DEPDC5: variants seen among roughly 807,000 people sequenced by gnomAD.
DEPDC5 encodes the protein DEP domain containing 5, GATOR1 subcomplex subunit.
DEPDC5 carries 73 observed loss-of-function variants against 217.3 expected under a neutral mutation model. The ratio of observed to expected loss-of-function variants is 0.34; its 90% CI spans 0.28 to 0.41. DEPDC5 has a LOEUF of 0.41. DEPDC5 is among the 10% of genes least tolerant of loss of function. The probability of loss-of-function intolerance (pLI) is 1.00; values close to 1 mark genes in which losing one functional copy is unlikely to be tolerated. For synonymous variants in DEPDC5, 733 were observed against 756.7 expected, an observed-to-expected ratio of 0.97 and a Z score of 0.51; for missense variants, 1,675 against 2,070.1, an observed-to-expected ratio of 0.81 and a Z score of 3.70.
chr22:31,815,764 C>A, intron 21 of DEPDC5: 1 of 1,190,110 alleles, frequency 8.4e-7, no homozygotes, highest in South Asian at 2.8e-5. Context: ...CTCCTGGACT[C>A]GAGGGATCCA....
rs1602515781 is a variant in DEPDC5, at chr22:31,862,477, A to G, written c.3330+1044A>G. ...CTACTCAGGAGGCTGAGGCAGGAGA[A>G]TCGCTTGAACCCAGGAGGCAGAGGT... On this transcript the variant is annotated intron_variant, in intron 33 of 42. Transcript: ENST00000651528. Among the ~76,000 whole-genome samples, 3 of 152,230 alleles carry G rather than the reference A, an allele frequency of 2.0e-5. No individual in the cohort carries two copies. In the South Asian group the frequency reaches 6.2e-4, roughly 32 times the overall value.
intron 24 of DEPDC5, among the ~76,000 whole-genome samples, chr22:31,832,079 A>G (rs2090641500): frequency 6.6e-6 from 1 of 152,250 alleles, no homozygotes; most frequent in Non-Finnish European, 1.5e-5. Context: ...TGAGAGATTC[A>G]TCCACGTTGC....
Position 31,819,287 on chromosome 22 carries a change from C to T in DEPDC5, c.1870+62C>T, listed in dbSNP as rs766476487. The T allele has an allele frequency of 2.4e-4, 379 of 1,574,204 alleles. 1 individual carries two copies. Among genetic ancestry groups the T allele is most frequent in the Non-Finnish European group, 3.1e-4 (361 of 1,149,736 alleles). ...AGCTCCTAGCCCTGGTCCTCAGTGT[C>T]GGTCACCCATGTGTCCTTGGTCAGG... On this transcript the variant is annotated intron_variant, in intron 22 of 42. Transcript: ENST00000651528.
At chr22:31,885,519 A>G (rs1344749059) in intron 38 of DEPDC5, among the ~76,000 whole-genome samples, 1 of 141,348 alleles carries the variant, frequency 7.1e-6, no homozygotes, top group African/African-American at 2.7e-5. Flanking sequence ...AGGTCAGGAG[A>G]TTGAGGCCAT....
chr22:31,814,805 CT>C (rs2088874113), intron 20 of DEPDC5, 186 bp from the exon 21 acceptor site: 2 of 611,168 alleles, frequency 3.3e-6, no homozygotes, highest in South Asian at 4.0e-5. Context: ...CATTTCCCCC[CT>C]CTCTTATATA....
At chr22:31,806,059 CTG>C (rs1364638987) in intron 17 of DEPDC5, 61 bp from the exon 18 acceptor site, 8 of 1,448,914 alleles carry the variant, frequency 5.5e-6, no homozygotes, top group Non-Finnish European at 5.8e-6. Flanking sequence ...AGTATTTTAA[CTG>C]TGTTTTGAGT....
intron 12 of DEPDC5, among the ~76,000 whole-genome samples, chr22:31,793,934 A>G (rs1193357930): frequency 1.3e-5 from 2 of 152,158 alleles, no homozygotes; most frequent in Admixed American, 6.6e-5. Context: ...GGGACTTAGC[A>G]TGAATGGGTT....
At position 31,819,016 on chromosome 22, in the gene DEPDC5, T is replaced by C. The variant is rs770711930; in HGVS notation, c.1667-6T>C. On this transcript the variant is annotated splice_polypyrimidine_tract_variant and splice_region_variant and intron_variant, in intron 21 of 42. Coordinates refer to ENST00000651528, the MANE Select transcript of DEPDC5 (RefSeq NM_001242896.3). Reference sequence around the variant, plus strand: ...CTTTGTGACTCAACTCCATGATAACTGGCAGATGTCCTGGAGAACATGATG... The same window carrying C: ...CTTTGTGACTCAACTCCATGATAACCGGCAGATGTCCTGGAGAACATGATG... 1 of 1,614,156 alleles carries C rather than the reference T, an allele frequency of 6.2e-7. No homozygotes were observed. The highest frequency in any genetic ancestry group is 1.1e-5 in the South Asian group (1 of 91,082).
chr22:31,755,335 A>ACTCT (rs1411618321), intron 2 of DEPDC5: 1 of 314,916 alleles, frequency 3.2e-6, no homozygotes, highest in African/African-American at 2.1e-5. Context: ...AGTGAGAGAG[A>ACTCT]AGTGGCATAG....
At chr22:31,784,592 C>T in intron 9 of DEPDC5, 1 of 429,896 alleles carries the variant, frequency 2.3e-6, no homozygotes, top group Non-Finnish European at 4.2e-6. Context: ...TGCATTCCAG[C>T]CTGGGAGACA....
chr22:31,771,715 T>TCACACACA (rs55851105), intron 7 of DEPDC5, among the ~76,000 whole-genome samples: 1,128 of 78,042 alleles, frequency 0.014, 50 homozygotes, highest in East Asian at 0.023. Flanking sequence ...CAAGACTCCG[T>TCACACACA]CACACACACA....
In DEPDC5 at chr22:31,798,660, A is replaced by T; in HGVS notation, c.946+4A>T. The stretch of plus-strand genomic sequence containing the variant: ...GCCATCAATCTGTCATTCAATGGTG[A>T]GTAAGGATGCCGGCCATGAGCCAGC... On this transcript the variant is annotated splice_donor_region_variant and intron_variant, in intron 14 of 42. Transcript: ENST00000651528. The T allele has an allele frequency of 6.2e-7, 1 of 1,610,410 alleles. No individual in the cohort carries two copies. Among genetic ancestry groups the T allele is most frequent in the South Asian group, 1.1e-5 (1 of 90,928 alleles).
intron 32 of DEPDC5, chr22:31,857,858 T>C (rs1461457668): frequency 4.2e-6 from 1 of 237,816 alleles, no homozygotes; most frequent in African/African-American, 2.3e-5. Context: ...GAGACCAGCA[T>C]ACGCAACATA....
At chr22:31,863,971 C>T (rs1432494322) in intron 33 of DEPDC5, among the ~76,000 whole-genome samples, 1 of 151,954 alleles carries the variant, frequency 6.6e-6, no homozygotes, top group Admixed American at 6.6e-5. Flanking sequence ...GCTCATTATA[C>T]ATACACAAAA....
At chr22:31,812,243 T>C (rs1327534213) in intron 20 of DEPDC5, among the ~76,000 whole-genome samples, 2 of 151,986 alleles carry the variant, frequency 1.3e-5, no homozygotes, top group Non-Finnish European at 2.9e-5. Flanking sequence ...ACACCCGCCT[T>C]GGCCTCCCAA....
At chr22:31,768,700 TAGG>T in intron 6 of DEPDC5, 111 bp from the exon 7 acceptor site, 2 of 893,528 alleles carry the variant, frequency 2.2e-6, no homozygotes, top group South Asian at 3.4e-5. Context: ...ATTAGAAAGC[TAGG>T]AGTTCTTGTT....
chr22:31,867,177 A>G (rs978162851), intron 33 of DEPDC5, among the ~76,000 whole-genome samples: 4 of 152,166 alleles, frequency 2.6e-5, no homozygotes, highest in Non-Finnish European at 4.4e-5. Context: ...CCTACCTGCT[A>G]TTTATCTTTG....
chr22:31,863,129 G>A (rs988070082), intron 33 of DEPDC5, among the ~76,000 whole-genome samples: 2 of 152,066 alleles, frequency 1.3e-5, no homozygotes, highest in African/African-American at 4.8e-5. Flanking sequence ...TTACAGGCAT[G>A]AGCCACTGTG....
chr22:31,869,868 G>A (rs1301458590), intron 33 of DEPDC5, among the ~76,000 whole-genome samples: 1 of 152,198 alleles, frequency 6.6e-6, no homozygotes, highest in African/African-American at 2.4e-5. Context: ...TGCAAATGGA[G>A]CTGGCTCACA....
Sources: gnomAD v4.1 joint callset for allele counts (sites outside exome capture counted in the v4.1 genomes callset) on GRCh38, gnomAD v4.1.1 for gene constraint, MANE v1.5 for transcripts, NCBI Gene and HGNC (gene_info 2026-07-23, HGNC 2026-07-21) for gene names.